Variants in LARGE1 observed in about 807,000 individuals in gnomAD.
LARGE1 encodes the protein xylosyl- and glucuronyltransferase LARGE1.
Under a neutral mutation model 87.6 loss-of-function variants are expected in LARGE1, and 43 were observed. That is an observed-to-expected ratio of 0.49 (90% CI 0.38 to 0.63). The LOEUF is 0.63. LARGE1 is among the 30% of genes least tolerant of loss of function. The pLI, the probability that LARGE1 is intolerant of heterozygous loss-of-function variation, is 0.00. For missense variants in LARGE1, 802 were observed against 1,000.2 expected (o/e 0.80, Z 2.67); for synonymous variants, 434 against 394.6 (o/e 1.10, Z -1.18).
intron 2 of LARGE1, among the ~76,000 whole-genome samples, chr22:33,660,207 G>A (rs945016591): frequency 2.0e-5 from 3 of 151,130 alleles, no homozygotes; most frequent in Admixed American, 6.6e-5. Flanking sequence ...TAACTGGCCC[G>A]TCATATACTC....
chr22:33,454,976 C>T (rs1273239097), intron 6 of LARGE1, among the ~76,000 whole-genome samples: 1 of 152,164 alleles, frequency 6.6e-6, no homozygotes, highest in East Asian at 1.9e-4. Flanking sequence ...TGGGTGGGGA[C>T]ACAGATCCAA....
At position 33,683,472 on chromosome 22, in the gene LARGE1, T is replaced by C. The variant is rs967161277; in HGVS notation, c.107-32804A>G. The stretch of plus-strand genomic sequence containing the variant: ...AGATCTTGGGACTTCTCAGCCTCCA[T>C]AATTGAATGAGCCAATTCCTTACAA... On this transcript the variant is annotated intron_variant, in intron 2 of 14. Transcript: ENST00000397394. 2.0e-5 allele frequency among the ~76,000 whole-genome samples: 3 copies of C among 152,328 alleles called. No homozygotes were observed. The East Asian group carries it at 5.8e-4, about 29-fold the overall frequency.
chr22:33,103,116 G>A, the LARGE1 span, among the ~76,000 whole-genome samples: 3 of 152,088 alleles, frequency 2.0e-5, no homozygotes, highest in East Asian at 5.8e-4. Context: ...TAGGTTATGT[G>A]AGATGACACA....
At chr22:33,717,209 T>G (rs937656410) in intron 2 of LARGE1, among the ~76,000 whole-genome samples, 10 of 152,062 alleles carry the variant, frequency 6.6e-5, no homozygotes, top group African/African-American at 2.4e-4. Context: ...TCCTACCCAT[T>G]CATCCACCCA....
chr22:33,679,608 G>A (rs1157428425), intron 2 of LARGE1, among the ~76,000 whole-genome samples: 1 of 152,108 alleles, frequency 6.6e-6, no homozygotes, highest in South Asian at 2.1e-4. Context: ...TTGGGAGGTC[G>A]AGGCAGGTGG....
At chr22:33,461,569 G>A (rs1471668853) in intron 6 of LARGE1, among the ~76,000 whole-genome samples, 1 of 151,050 alleles carries the variant, frequency 6.6e-6, no homozygotes, top group African/African-American at 2.4e-5. Flanking sequence ...GAGTTAATGG[G>A]TGCAGCACAC....
At chr22:33,629,634 G>A (rs113863420) in intron 3 of LARGE1, among the ~76,000 whole-genome samples, 2,092 of 152,262 alleles carry the variant, frequency 0.014, 27 homozygotes, top group Middle Eastern at 0.02. Context: ...GGAATGGGGA[G>A]AGTAGGGAGA....
intron 11 of LARGE1, among the ~76,000 whole-genome samples, chr22:33,201,783 G>A (rs1380505987): frequency 1.3e-5 from 2 of 152,178 alleles, no homozygotes; most frequent in South Asian, 2.1e-4. Context: ...TACCATGAAC[G>A]AAATGGAGAT....
chr22:33,653,560 G>C (rs190248484), intron 2 of LARGE1, among the ~76,000 whole-genome samples: 6 of 152,134 alleles, frequency 3.9e-5, no homozygotes, highest in African/African-American at 1.4e-4. Context: ...TCTGAGCTTC[G>C]ATTTTTTCTT....
At chr22:33,675,749 A>G (rs917614494) in intron 2 of LARGE1, among the ~76,000 whole-genome samples, 5 of 152,172 alleles carry the variant, frequency 3.3e-5, no homozygotes, top group Non-Finnish European at 5.9e-5. Flanking sequence ...CCCCTCACAA[A>G]AGGCGTTTAT....
chr22:33,108,144 C>T, the LARGE1 span, among the ~76,000 whole-genome samples: 1 of 152,122 alleles, frequency 6.6e-6, no homozygotes, highest in Non-Finnish European at 1.5e-5. Flanking sequence ...AACTGTAATG[C>T]AGCACATAAG....
rs189677231 is a variant in LARGE1, at chr22:33,484,062, C to T, written c.788-51797G>A. On this transcript the variant is annotated intron_variant, in intron 6 of 14. Transcript: ENST00000397394. ...ATTGCTACAAATACATTTATCTACC[C>T]GGGCTGTACACGTGACACCTTCTAA... Among the ~76,000 whole-genome samples the T allele has an allele frequency of 5.6e-4, 85 of 152,266 alleles. 1 individual carries two copies. The highest frequency in any genetic ancestry group is 1.9e-3 in the African/African-American group (79 of 41,536).
At chr22:33,298,112 G>A (rs1933602634) in intron 12 of LARGE1, among the ~76,000 whole-genome samples, 2 of 152,052 alleles carry the variant, frequency 1.3e-5, no homozygotes, top group Admixed American at 6.6e-5. Flanking sequence ...ATGCCACGAT[G>A]TCTCACGTCT....
At chr22:33,698,044 C>T (rs1311534295) in intron 2 of LARGE1, among the ~76,000 whole-genome samples, 1 of 152,188 alleles carries the variant, frequency 6.6e-6, no homozygotes, top group African/African-American at 2.4e-5. Flanking sequence ...GCTTCTCACA[C>T]TTTATTGCAT....
chr22:33,769,764 C>T (rs1251180643), intron 1 of LARGE1, among the ~76,000 whole-genome samples: 6 of 152,160 alleles, frequency 3.9e-5, no homozygotes, highest in African/African-American at 1.2e-4. Flanking sequence ...GATCTGTTAC[C>T]CTCTTGCAAA....
chr22:33,482,600 C>T (rs970330990), intron 6 of LARGE1, among the ~76,000 whole-genome samples: 2 of 152,132 alleles, frequency 1.3e-5, no homozygotes, highest in Middle Eastern at 3.4e-3. Context: ...ATGTAGATGA[C>T]GGGTTGATGG....
intron 6 of LARGE1, chr22:33,436,654 A>T (rs1601832299): frequency 6.5e-6 from 1 of 152,858 alleles, no homozygotes; most frequent in African/African-American, 2.4e-5. Context: ...AACTCCTTCC[A>T]CATCCATGGG....
chr22:33,795,290 A>G (rs1172435463), intron 1 of LARGE1, among the ~76,000 whole-genome samples: 1 of 152,238 alleles, frequency 6.6e-6, no homozygotes, highest in Non-Finnish European at 1.5e-5. Flanking sequence ...TACAGTAAGT[A>G]TTTCATTAAC....
rs577896476 is a variant in LARGE1 at position 33,417,767 on chromosome 22, G to C, written c.892+14394C>G. 3.9e-5 allele frequency among the ~76,000 whole-genome samples: 6 copies of C among 152,230 alleles called. 1 individual carries two copies. The South Asian group carries it at 1.2e-3, about 32-fold the overall frequency. On this transcript the variant is annotated intron_variant, in intron 7 of 14. Transcript: ENST00000397394. ...GAATTCAGTTCTATGTAGGACGGAG[G>C]TCCCCACGCCCTTTCTCAATCAAAT...
Sources: allele counts gnomAD v4.1 joint callset (sites outside exome capture counted in the v4.1 genomes callset), GRCh38; gene constraint gnomAD v4.1.1; transcripts MANE v1.5; gene names NCBI Gene and HGNC (gene_info 2026-07-23, HGNC 2026-07-21).